The following MAPK10 variants were observed in gnomAD, a reference collection of about 807,000 sequenced individuals.
The protein encoded by MAPK10 is mitogen-activated protein kinase 10.
Under a neutral mutation model 59.3 loss-of-function variants are expected in MAPK10, and 25 were observed. That is an observed-to-expected ratio of 0.42 (90% CI 0.31 to 0.59). The LOEUF is 0.59. Ranked by LOEUF, MAPK10 falls within the 20% of genes least tolerant of loss-of-function variation. The probability of loss-of-function intolerance (pLI) is 0.15; values close to 1 mark genes in which losing one functional copy is unlikely to be tolerated. For synonymous variants in MAPK10, 190 were observed against 200.5 expected (o/e 0.95, Z 0.44); for missense variants, 351 against 568.9 (o/e 0.62, Z 3.90).
chr4:86,117,849 A>C (rs1371630132), intron 4 of MAPK10: 1 of 152,192 alleles, frequency 6.6e-6, no homozygotes, highest in Non-Finnish European at 1.5e-5. Flanking sequence ...CCCCGTTCAC[A>C]GCATAATAGA....
At chr4:86,102,167 C>A (rs2149073861) in intron 6 of MAPK10, 135 bp from the exon 7 acceptor site, 1 of 750,128 alleles carries the variant, frequency 1.3e-6, no homozygotes, top group Admixed American at 2.2e-5. Flanking sequence ...CAAGACTGAG[C>A]ATTTCCAGGT....
intron 1 of MAPK10, among the ~76,000 whole-genome samples, chr4:86,481,309 C>G (rs979160678): frequency 6.6e-6 from 1 of 151,946 alleles, no homozygotes; most frequent in African/African-American, 2.4e-5. Context: ...GCTTCAGAGG[C>G]CTTCTAATCT....
At chr4:86,357,500 A>G (rs569637123) in intron 1 of MAPK10, 14 of 152,336 alleles carry the variant, frequency 9.2e-5, no homozygotes, top group African/African-American at 3.1e-4. Flanking sequence ...CCTAACAAGG[A>G]AAATCTTATT....
At chr4:86,509,997 G>A (rs1756095907) in intron 1 of MAPK10, among the ~76,000 whole-genome samples, 1 of 152,150 alleles carries the variant, frequency 6.6e-6, no homozygotes, top group Non-Finnish European at 1.5e-5. Context: ...AATTCCTTAA[G>A]AAATCCTATT....
chr4:86,593,452 A>C (rs1763250079), intron 1 of MAPK10, among the ~76,000 whole-genome samples: 1 of 152,194 alleles, frequency 6.6e-6, no homozygotes, highest in Non-Finnish European at 1.5e-5. Flanking sequence ...TAACTATTGA[A>C]ACTCAAATAT....
At position 86,186,820 on chromosome 4, in the gene MAPK10, A is replaced by C. The variant is rs561424303; in HGVS notation, c.66+7516T>G. The stretch of plus-strand genomic sequence containing the variant: ...ACTGTTTTAAAAATACTTGAAGTTT[A>C]TGTAGGTGCCCTAGGGAGCCTTCTC... On this transcript the variant is annotated intron_variant, in intron 3 of 13. Transcript: ENST00000641462. 2.6e-5 allele frequency among the ~76,000 whole-genome samples: 4 copies of C among 152,266 alleles called. No homozygotes were observed. In the South Asian group the frequency reaches 8.3e-4, roughly 32 times the overall value.
At chr4:86,504,933 G>C (rs1265855947) in intron 1 of MAPK10, among the ~76,000 whole-genome samples, 1 of 152,018 alleles carries the variant, frequency 6.6e-6, no homozygotes, top group Non-Finnish European at 1.5e-5. Flanking sequence ...CCCTCTTTTG[G>C]GGGTATTAAG....
chr4:86,127,021 A>G (rs924123838), intron 4 of MAPK10, among the ~76,000 whole-genome samples: 5 of 151,832 alleles, frequency 3.3e-5, no homozygotes, highest in African/African-American at 1.2e-4. Flanking sequence ...CTTTCCTCCA[A>G]TCCATACCTC....
At chr4:86,147,245 C>A (rs184282665) in intron 4 of MAPK10, among the ~76,000 whole-genome samples, 36 of 152,192 alleles carry the variant, frequency 2.4e-4, no homozygotes, top group African/African-American at 8.2e-4. Context: ...TGCCACCATG[C>A]CTGGCTAATT....
chr4:86,297,317 TG>T (rs1239259525), intron 2 of MAPK10, among the ~76,000 whole-genome samples: 5 of 152,214 alleles, frequency 3.3e-5, no homozygotes, highest in African/African-American at 1.2e-4. Flanking sequence ...TGTTTGTTTT[TG>T]TTTTTGTTTT....
chr4:86,421,087 GAA>G (rs919663885), intron 1 of MAPK10, among the ~76,000 whole-genome samples: 1 of 144,392 alleles, frequency 6.9e-6, no homozygotes, highest in East Asian at 2.0e-4. Context: ...ACCTCAGAAA[GAA>G]AAAAAAAAAA....
intron 2 of MAPK10, among the ~76,000 whole-genome samples, chr4:86,300,327 A>T (rs6827098): frequency 0.61 from 92,586 of 152,056 alleles, 28,792 homozygotes; most frequent in South Asian, 0.74. Context: ...CTTCTTAATG[A>T]CTTAGAAAAG....
intron 3 of MAPK10, among the ~76,000 whole-genome samples, chr4:86,186,378 G>A (rs1232451282): frequency 6.6e-6 from 1 of 152,104 alleles, no homozygotes; most frequent in East Asian, 1.9e-4. Flanking sequence ...AGATGAGAGA[G>A]ATCAGTAAAT....
intron 8 of MAPK10, 78 bp from the exon 9 acceptor site, chr4:86,098,673 A>C: frequency 8.4e-7 from 1 of 1,190,028 alleles, no homozygotes; most frequent in Non-Finnish European, 1.2e-6. Context: ...CTGAAGGAGG[A>C]GGAAAAAGAA....
chr4:86,086,983 C>T (rs1444788535), intron 9 of MAPK10, among the ~76,000 whole-genome samples: 1 of 151,942 alleles, frequency 6.6e-6, no homozygotes, highest in Admixed American at 6.6e-5. Flanking sequence ...CAAATATGTC[C>T]CCATACAAGA....
intron 2 of MAPK10, among the ~76,000 whole-genome samples, chr4:86,307,887 G>A (rs1477427412): frequency 1.3e-5 from 2 of 152,134 alleles, no homozygotes; most frequent in African/African-American, 4.8e-5. Flanking sequence ...AACAGAGGTA[G>A]GACACCAGCA....
intron 1 of MAPK10, among the ~76,000 whole-genome samples, chr4:86,460,383 T>C (rs965596586): frequency 2.0e-5 from 3 of 152,106 alleles, no homozygotes; most frequent in African/African-American, 7.2e-5. Context: ...AGGAACACAC[T>C]TTCTCCTTTA....
At chr4:86,065,439 G>C (rs1167182585) in intron 10 of MAPK10, 1 of 152,108 alleles carries the variant, frequency 6.6e-6, no homozygotes, top group East Asian at 1.9e-4. Flanking sequence ...TAATTTTATG[G>C]TTGTGGGCAG....
At chr4:86,246,624 G>C (rs1004440793) in intron 2 of MAPK10, among the ~76,000 whole-genome samples, 2 of 152,172 alleles carry the variant, frequency 1.3e-5, no homozygotes, top group Non-Finnish European at 2.9e-5. Context: ...GTTCTTAGTA[G>C]TTTACATCTA....
Sources: allele counts gnomAD v4.1 joint callset (sites outside exome capture counted in the v4.1 genomes callset), GRCh38; gene constraint gnomAD v4.1.1; transcripts MANE v1.5; gene names NCBI Gene and HGNC (gene_info 2026-07-23, HGNC 2026-07-21).